ZNF717: variants seen among roughly 807,000 people sequenced by gnomAD.
ZNF717 encodes the protein krueppel-like factor X17.
In ZNF717, 9 loss-of-function variants were observed where a neutral mutation model predicts 13.8. The observed-to-expected ratio is 0.65, with a 90% confidence interval of 0.39 to 1.14. The LOEUF (loss-of-function observed/expected upper bound fraction) is 1.14. ZNF717 is among the 50% of genes most tolerant of loss of function. The probability of loss-of-function intolerance (pLI) is 0.01; values close to 1 mark genes in which losing one functional copy is unlikely to be tolerated. For synonymous variants in ZNF717, 327 were observed against 364.1 expected (o/e 0.90, Z 1.16); for missense variants, 1,040 against 1,080.7 (o/e 0.96, Z 0.53).
chr3:75,727,993 A>C (rs1938323521), downstream of ZNF717, among the ~76,000 whole-genome samples: 1 of 152,254 alleles, frequency 6.6e-6, no homozygotes, highest in South Asian at 2.1e-4. Context: ...CTACATTGAA[A>C]TATTGGGGGC....
At chr3:75,776,902 A>G (rs897807159) in intron 2 of ZNF717, among the ~76,000 whole-genome samples, 8 of 152,228 alleles carry the variant, frequency 5.3e-5, no homozygotes, top group African/African-American at 1.9e-4. Context: ...GGAATTAACA[A>G]AAAACCGACT....
intron 2 of ZNF717, 46 bp from the exon 3 acceptor site, chr3:75,741,782 G>A (rs1389606258): frequency 6.4e-7 from 1 of 1,561,288 alleles, no homozygotes; most frequent in Non-Finnish European, 8.6e-7. Context: ...TCACGTTCCT[G>A]TACAGGGTCC....
intron 2 of ZNF717, among the ~76,000 whole-genome samples, chr3:75,772,817 G>T (rs79099756): frequency 0.015 from 1,652 of 109,734 alleles, no homozygotes; most frequent in Middle Eastern, 0.04. Context: ...AGAGGTTTCA[G>T]GCAGAAAAGT....
chr3:75,757,293 T>C (rs577740144), intron 2 of ZNF717, among the ~76,000 whole-genome samples: 1 of 152,342 alleles, frequency 6.6e-6, no homozygotes, highest in East Asian at 1.9e-4. Context: ...CTGACTCTTT[T>C]GTTAAGGGCT....
At chr3:75,720,175 T>C (rs1316624907) in intron 4 of ZNF717, among the ~76,000 whole-genome samples, 3 of 151,954 alleles carry the variant, frequency 2.0e-5, no homozygotes, top group Non-Finnish European at 4.4e-5. Flanking sequence ...AAATTATAAT[T>C]ATTCTACCCA....
chr3:75,723,830 C>G lies in ZNF717; in HGVS notation n.545-7289G>C, dbSNP rs997447234. On this transcript the variant is annotated intron_variant and non_coding_transcript_variant, in intron 4 of 5. Coordinates refer to the ZNF717 transcript ENST00000491507. ...TCGGGAAAGCGAGTCTCCCTTTCCC[C>G]GGGGGAGTTAGAGAAGACTCTGCTC... 1.5e-3 allele frequency among the ~76,000 whole-genome samples: 228 copies of G among 152,136 alleles called. 2 individuals are homozygous for G. Among genetic ancestry groups the G allele is most frequent in the African/African-American group, 5.2e-3 (216 of 41,514 alleles).
intron 2 of ZNF717, among the ~76,000 whole-genome samples, chr3:75,770,416 T>C (rs60603401): frequency 0.26 from 39,815 of 151,954 alleles, 5,715 homozygotes; most frequent in African/African-American, 0.39. Context: ...CAAAATTAGC[T>C]GGGCGTGGTG....
At position 75,736,961 on chromosome 3, in the gene ZNF717, G is replaced by C; in HGVS notation, c.2662C>G (p.His888Asp). The C allele has an allele frequency of 1.9e-6, 3 of 1,570,686 alleles. No individual in the cohort carries two copies. Among genetic ancestry groups the C allele is most frequent in the Non-Finnish European group, 2.6e-6 (3 of 1,158,326 alleles). The change falls in exon 5 of 5, where the codon CAT becomes GAT. Residue 888 changes from histidine to aspartate, a missense_variant. His to Asp is a moderately conservative substitution (Grantham distance 81). Around this residue, in one of 3 missense-constraint regions of ZNF717, gnomAD observed 44 missense variants for 70.1 expected, o/e 0.63. Transcript: ENST00000652011. The stretch of plus-strand genomic sequence containing the variant: ...TTCTCTCCTATATGGGTTTGTTGAT[G>C]CCTGCTGAGGTGTGACTTCTGGCAA... ...TFCQKSHLSR[H>D]QQTHIGEKSD...
chr3:75,737,076 T>C lies in ZNF717; in HGVS notation c.2547A>G (p.Lys849=). 2 of 1,596,010 alleles carry C rather than the reference T, an allele frequency of 1.3e-6. No individual in the cohort carries two copies. Among genetic ancestry groups the C allele is most frequent in the Admixed American group, 3.5e-5 (2 of 56,682 alleles). The change falls in exon 5 of 5, where the codon AAA becomes AAG. Residue 849 remains lysine (K), a synonymous_variant. Coordinates refer to ENST00000652011, the MANE Select transcript of ZNF717 (RefSeq NM_001290208.3). ...TGAGGCCTGACTTCTGGGAGAAAGTTTTCCTACATTCATTACATCTAAAGG... is the reference window on the plus strand; with the variant it reads ...TGAGGCCTGACTTCTGGGAGAAAGTCTTCCTACATTCATTACATCTAAAGG... ...EKPFRCNECR[K]TFSQKSGLSI... is the part of the protein sequence containing the mutation.
chr3:75,746,009 G>A (rs1469272581), intron 2 of ZNF717, among the ~76,000 whole-genome samples: 1 of 151,974 alleles, frequency 6.6e-6, no homozygotes, highest in Non-Finnish European at 1.5e-5. Flanking sequence ...ATCTCCTAAC[G>A]CTATCCCACC....
chr3:75,766,976 C>A (rs1943518823), intron 2 of ZNF717, among the ~76,000 whole-genome samples: 1 of 152,276 alleles, frequency 6.6e-6, no homozygotes, highest in Admixed American at 6.5e-5. Flanking sequence ...CTAAAGGTGA[C>A]AACTTCTTTC....
At position 75,736,927 on chromosome 3, in the gene ZNF717, A is replaced by G; in HGVS notation, c.2696T>C (p.Val899Ala). ...AGGGAACACATAGCCTGCCTCAGCT[A>G]CGTCAGATTTCTCTCCTATATGGGT... is the stretch of plus-strand genomic sequence containing the variant. ...QQTHIGEKSD[V>A]AEAGYVFPQN... The change falls in exon 5 of 5, where the codon GTA (valine) becomes GCA (alanine). Residue 899 changes from valine (V) to alanine (A), a missense_variant. By Grantham distance (64) the Val-to-Ala change is moderately conservative. This residue lies in a region of ZNF717 where 44 missense variants were observed against 70.1 expected (regional missense o/e 0.63). Transcript: ENST00000652011. 1.3e-6 allele frequency: 2 copies of G among 1,561,754 alleles called. No homozygotes were observed. Among genetic ancestry groups the G allele is most frequent in the South Asian group, 2.3e-5 (2 of 85,276 alleles).
At chr3:75,733,289 AC>A (rs1462574387), downstream of ZNF717, among the ~76,000 whole-genome samples, 1 of 152,266 alleles carries the variant, frequency 6.6e-6, no homozygotes, top group Non-Finnish European at 1.5e-5. Context: ...AACATCTGCA[AC>A]AATCATGTCT....
intron 6 of ZNF717, among the ~76,000 whole-genome samples, chr3:75,700,691 A>C (rs1415304543): frequency 6.6e-6 from 1 of 151,966 alleles, no homozygotes; most frequent in African/African-American, 2.4e-5. Context: ...ATAAAAAATA[A>C]GACAGGTTTT....
intron 6 of ZNF717, among the ~76,000 whole-genome samples, chr3:75,701,924 C>T (rs1397342432): frequency 0.011 from 1,587 of 141,962 alleles, no homozygotes; most frequent in African/African-American, 0.047. Context: ...AAATCAAACC[C>T]AAAATGAGAT....
intron 2 of ZNF717, among the ~76,000 whole-genome samples, chr3:75,780,758 G>C: frequency 6.6e-6 from 1 of 152,236 alleles, no homozygotes; most frequent in Non-Finnish European, 1.5e-5. Context: ...CTAAGCTCAT[G>C]CAATAGGTCC....
chr3:75,726,850 G>A (rs1374651814), downstream of ZNF717, among the ~76,000 whole-genome samples: 2 of 151,764 alleles, frequency 1.3e-5, no homozygotes, highest in Admixed American at 1.3e-4. Context: ...AAAAACCACT[G>A]ATGCTCAAGT....
chr3:75,751,883 G>A (rs1295691943), intron 2 of ZNF717, among the ~76,000 whole-genome samples: 7 of 151,804 alleles, frequency 4.6e-5, no homozygotes, highest in Non-Finnish European at 1.0e-4. Flanking sequence ...ACGATGGTAT[G>A]AATGATTTTC....
chr3:75,734,494 G>A (rs1290399122), downstream of ZNF717, among the ~76,000 whole-genome samples: 36 of 151,216 alleles, frequency 2.4e-4, no homozygotes, highest in Admixed American at 5.9e-4. Context: ...GTGCAGTAGC[G>A]TGATCTCAGC....
Sources: gnomAD v4.1 joint callset for allele counts (sites outside exome capture counted in the v4.1 genomes callset) on GRCh38, gnomAD v4.1.1 for gene constraint, gnomAD v4.1.1 regional missense constraint, MANE v1.5 for transcripts, NCBI Gene and HGNC (gene_info 2026-07-23, HGNC 2026-07-21) for gene names.